CRPPA: variants seen among roughly 807,000 people sequenced by gnomAD.
CRPPA encodes CDP-L-ribitol pyrophosphorylase A.
A neutral mutation model predicts 52.0 loss-of-function variants in CRPPA; 43 were observed. That is an observed-to-expected ratio of 0.83 (90% CI 0.65 to 1.07). CRPPA has a LOEUF of 1.07. CRPPA is among the 50% of genes least tolerant of loss of function. The pLI, the probability that CRPPA is intolerant of heterozygous loss-of-function variation, is 0.00. For synonymous variants in CRPPA, 250 were observed against 203.5 expected (o/e 1.23, Z -1.94); for missense variants, 629 against 551.7 (o/e 1.14, Z -1.40).
chr7:16,370,307 T>C (rs891365740), intron 3 of CRPPA, among the ~76,000 whole-genome samples: 3 of 152,168 alleles, frequency 2.0e-5, no homozygotes, highest in Non-Finnish European at 4.4e-5. Flanking sequence ...GGGAGGGACA[T>C]GGCCTGAAAG....
intron 5 of CRPPA, among the ~76,000 whole-genome samples, chr7:16,301,007 T>G (rs1283872151): frequency 1.3e-5 from 2 of 152,172 alleles, no homozygotes; most frequent in African/African-American, 2.4e-5. Context: ...GCCTAATTTC[T>G]CCAGTTAGGA....
chr7:16,378,109 T>A (rs13234639), intron 2 of CRPPA, among the ~76,000 whole-genome samples: 9 of 152,088 alleles, frequency 5.9e-5, no homozygotes, highest in Admixed American at 2.6e-4. Context: ...TTAATTTTTT[T>A]AAATTTTATT....
intron 3 of CRPPA, among the ~76,000 whole-genome samples, chr7:16,358,053 C>T (rs1032254279): frequency 6.6e-6 from 1 of 152,206 alleles, no homozygotes; most frequent in Non-Finnish European, 1.5e-5. Context: ...ATGAGGCTGG[C>T]AGGCACAGAG....
chr7:16,326,935 C>T (rs142327457), intron 3 of CRPPA, among the ~76,000 whole-genome samples: 2 of 152,140 alleles, frequency 1.3e-5, no homozygotes, highest in Non-Finnish European at 2.9e-5. Context: ...CTAGCCAGTA[C>T]TCCTTTTCTG....
rs1278951313 is a variant in CRPPA at position 16,254,845 on chromosome 7, G to GAA, written c.1119+3544_1119+3545insTT. 8.1e-3 allele frequency among the ~76,000 whole-genome samples: 1,153 copies of GAA among 142,410 alleles called. 17 individuals are homozygous for GAA. Among genetic ancestry groups the GAA allele is most frequent in the African/African-American group, 0.02 (784 of 38,636 alleles). 93.4% of individuals were successfully genotyped at this position (142,410 alleles called of 152,430 possible). On this transcript the variant is annotated intron_variant, in intron 8 of 9. Coordinates refer to ENST00000407010, the MANE Select transcript of CRPPA (RefSeq NM_001101426.4). ...AGAAAGAAAGAAAGAAAGAAAGAAAGAGAAAGAAGAAAGAAAGAAAGAAAG... is the reference window on the plus strand; with the variant it reads ...AGAAAGAAAGAAAGAAAGAAAGAAAGAAAGAAAGAAGAAAGAAAGAAAGAAAG...
intron 3 of CRPPA, among the ~76,000 whole-genome samples, chr7:16,356,236 C>T (rs966849345): frequency 2.6e-5 from 4 of 152,182 alleles, no homozygotes; most frequent in Non-Finnish European, 5.9e-5. Context: ...ATTTTTCTAT[C>T]TCTACATACT....
At chr7:16,343,210 T>A (rs188088336) in intron 3 of CRPPA, among the ~76,000 whole-genome samples, 12 of 152,210 alleles carry the variant, frequency 7.9e-5, no homozygotes, top group East Asian at 7.7e-4. Context: ...TCATTTTTTT[T>A]TAAATAAATC....
intron 8 of CRPPA, among the ~76,000 whole-genome samples, chr7:16,243,106 A>G (rs1295166): frequency 0.73 from 111,043 of 152,048 alleles, 40,663 homozygotes; most frequent in East Asian, 0.78. Context: ...GGAGGGAGGC[A>G]ATTGAAACAT....
chr7:16,234,154 A>T (rs1206823470), intron 8 of CRPPA, among the ~76,000 whole-genome samples: 1 of 152,124 alleles, frequency 6.6e-6, no homozygotes, highest in African/African-American at 2.4e-5. Flanking sequence ...TCATAATGTA[A>T]TTTTTGGTTT....
intron 9 of CRPPA, among the ~76,000 whole-genome samples, chr7:16,213,610 A>T (rs1229624022): frequency 6.6e-6 from 1 of 151,994 alleles, no homozygotes; most frequent in East Asian, 1.9e-4. Flanking sequence ...TTAACTGGGC[A>T]TGGTGGCGGG....
At chr7:16,103,945 CA>C (rs900365118) in intron 9 of CRPPA, among the ~76,000 whole-genome samples, 1 of 151,218 alleles carries the variant, frequency 6.6e-6, no homozygotes, top group Non-Finnish European at 1.5e-5. Context: ...AAACTTAATG[CA>C]AAAAAAAGAA....
rs1008793294 is a variant in CRPPA, at chr7:16,366,207, G to A, written c.684+9885C>T. ...TAATCTCATTCATAAAGGCAGAGCC[G>A]TCATGATCTAATCACCTCCCAAAGG... On this transcript the variant is annotated intron_variant, in intron 3 of 9. Transcript: ENST00000407010. Among the ~76,000 whole-genome samples, 6 of 152,106 alleles carry A rather than the reference G, an allele frequency of 3.9e-5. 1 individual carries two copies. Among genetic ancestry groups the A allele is most frequent in the South Asian group, 2.1e-4 (1 of 4,826 alleles).
At chr7:16,317,267 T>C (rs1387410614) in intron 3 of CRPPA, among the ~76,000 whole-genome samples, 1 of 152,178 alleles carries the variant, frequency 6.6e-6, no homozygotes, top group African/African-American at 2.4e-5. Flanking sequence ...GAATGGAAGA[T>C]AAAAGTTATT....
At chr7:16,358,924 GACA>G (rs1429518318) in intron 3 of CRPPA, among the ~76,000 whole-genome samples, 6 of 152,116 alleles carry the variant, frequency 3.9e-5, no homozygotes, top group Admixed American at 2.0e-4. Flanking sequence ...TCAGTAAAAT[GACA>G]ACTTTGAAAT....
intron 2 of CRPPA, among the ~76,000 whole-genome samples, chr7:16,376,780 G>A (rs1274790367): frequency 6.6e-6 from 1 of 152,164 alleles, no homozygotes; most frequent in Non-Finnish European, 1.5e-5. Context: ...TCCATGCAAT[G>A]CTTCCTCAGG....
chr7:16,094,789 AT>A (rs1463588226), intron 9 of CRPPA, among the ~76,000 whole-genome samples: 6 of 152,168 alleles, frequency 3.9e-5, no homozygotes, highest in African/African-American at 1.4e-4. Flanking sequence ...TGAGGAAGAC[AT>A]CGGAAAAGTT....
intron 9 of CRPPA, among the ~76,000 whole-genome samples, chr7:16,100,763 A>C (rs1247054703): frequency 6.6e-6 from 1 of 152,172 alleles, no homozygotes; most frequent in Non-Finnish European, 1.5e-5. Context: ...GCTTTTGCCC[A>C]TTCAGTATGA....
chr7:16,226,749 G>C (rs73060557), intron 8 of CRPPA, among the ~76,000 whole-genome samples: 3,886 of 151,960 alleles, frequency 0.026, 66 homozygotes, highest in Non-Finnish European at 0.036. Flanking sequence ...GCATACATTA[G>C]TTATGGAATG....
At chr7:16,194,594 G>C (rs923248118) in intron 9 of CRPPA, among the ~76,000 whole-genome samples, 1 of 152,102 alleles carries the variant, frequency 6.6e-6, no homozygotes, top group Admixed American at 6.6e-5. Flanking sequence ...GCCAAAGAAA[G>C]CTAACTTTGG....
Sources: allele counts gnomAD v4.1 joint callset (sites outside exome capture counted in the v4.1 genomes callset), GRCh38; gene constraint gnomAD v4.1.1; transcripts MANE v1.5; gene names NCBI Gene and HGNC (gene_info 2026-07-23, HGNC 2026-07-21).